Variants in FMN2 observed in about 807,000 individuals in gnomAD.
FMN2 encodes the protein formin 2, also known as formin-2.
Under a neutral mutation model 142.3 loss-of-function variants are expected in FMN2, and 51 were observed. The observed-to-expected ratio is 0.36, with a 90% CI of 0.29 to 0.45. FMN2 has a LOEUF of 0.45. Ranked by LOEUF, FMN2 falls within the 20% of genes least tolerant of loss-of-function variation. FMN2 has a pLI of 1.00. For missense variants in FMN2, 1,936 were observed against 2,122.8 expected (o/e 0.91, Z 1.73); for synonymous variants, 882 against 869.8 (o/e 1.01, Z -0.25).
rs552135436 is a variant in FMN2 at position 240,336,553 on chromosome 1, CAAA to C, written c.4765+2351_4765+2353del. The stretch of plus-strand genomic sequence containing the variant: ...GTTAAAAGGACTTCATGGTATTCTC[CAAA>C]AAAAAAAAAAAAAAAAAAAAAAAAA... On this transcript the variant is annotated intron_variant, in intron 13 of 17. Coordinates refer to ENST00000319653, the MANE Select transcript of FMN2 (RefSeq NM_020066.5). Among the ~76,000 whole-genome samples, 328 of 50,466 alleles carry C rather than the reference CAAA, an allele frequency of 6.5e-3. 6 individuals carry two copies. Among genetic ancestry groups the C allele is most frequent in the African/African-American group, 0.015 (314 of 20,488 alleles). 33.1% of individuals were successfully genotyped at this position (50,466 alleles called of 152,430 possible).
At chr1:240,140,173 C>T (rs1383732535) in intron 2 of FMN2, among the ~76,000 whole-genome samples, 1 of 152,012 alleles carries the variant, frequency 6.6e-6, no homozygotes, top group Non-Finnish European at 1.5e-5. Context: ...CAGTGTGTAA[C>T]CAGTTTGCAG....
intron 16 of FMN2, among the ~76,000 whole-genome samples, chr1:240,460,844 C>A (rs9287242): frequency 0.4 from 61,014 of 151,788 alleles, 13,002 homozygotes; most frequent in African/African-American, 0.54. Flanking sequence ...AGGTTTTCAA[C>A]ATGTTCTCCT....
chr1:240,247,281 T>A (rs2102878671), intron 6 of FMN2, among the ~76,000 whole-genome samples: 1 of 152,244 alleles, frequency 6.6e-6, no homozygotes, highest in South Asian at 2.1e-4. Flanking sequence ...GGCAGGCAGA[T>A]CACCTGAGGT....
intron 2 of FMN2, among the ~76,000 whole-genome samples, chr1:240,128,882 TTTC>T (rs1241165189): frequency 2.0e-5 from 3 of 152,126 alleles, no homozygotes; most frequent in Non-Finnish European, 2.9e-5. Flanking sequence ...TTCATTTTTT[TTTC>T]TTTTTTGAGA....
chr1:240,427,234 T>C (rs957543497), intron 15 of FMN2, among the ~76,000 whole-genome samples: 3 of 151,170 alleles, frequency 2.0e-5, no homozygotes, highest in African/African-American at 4.9e-5. Flanking sequence ...TGAGACAGAG[T>C]CTCGCCTGTC....
rs34050336 is a variant in FMN2, at chr1:240,184,236, C to CTTTTTTTTTTTTT, written c.1931-3959_1931-3947dup. 1.3e-3 allele frequency among the ~76,000 whole-genome samples: 103 copies of CTTTTTTTTTTTTT among 79,446 alleles called. 10 individuals are homozygous for CTTTTTTTTTTTTT. The highest frequency in any genetic ancestry group is 4.1e-3 in the African/African-American group (82 of 20,008). The allele number at this position is 79,446 out of a possible 152,430, so 52.1% of individuals were successfully genotyped here. ...AACTTTTTAAAATGGAATATTTAAC[C>CTTTTTTTTTTTTT]TTTTTTTTTTTTTTTTTTTTTTTTG... On this transcript the variant is annotated intron_variant, in intron 3 of 17. Transcript: ENST00000319653.
chr1:240,430,401 A>C (rs1247473004), intron 15 of FMN2, among the ~76,000 whole-genome samples: 1 of 152,110 alleles, frequency 6.6e-6, no homozygotes, highest in East Asian at 1.9e-4. Flanking sequence ...ATTCTCCCCA[A>C]CATGTGAGAC....
At chr1:240,137,611 A>T (rs1204171496) in intron 2 of FMN2, among the ~76,000 whole-genome samples, 1 of 152,192 alleles carries the variant, frequency 6.6e-6, no homozygotes, top group Non-Finnish European at 1.5e-5. Context: ...GAATTTTTCT[A>T]TGAAAAATAT....
At chr1:240,242,819 T>G (rs185433809) in intron 6 of FMN2, among the ~76,000 whole-genome samples, 1 of 152,220 alleles carries the variant, frequency 6.6e-6, no homozygotes, top group African/African-American at 2.4e-5. Context: ...AGAAGCAGGC[T>G]TCTAGATTCT....
intron 2 of FMN2, among the ~76,000 whole-genome samples, chr1:240,130,941 G>C (rs944469796): frequency 6.6e-6 from 1 of 151,996 alleles, no homozygotes; most frequent in African/African-American, 2.4e-5. Flanking sequence ...CCCCTGCCCT[G>C]TTATTAGGAA....
intron 8 of FMN2, among the ~76,000 whole-genome samples, chr1:240,318,865 AG>A (rs1225263832): frequency 6.6e-6 from 1 of 152,042 alleles, no homozygotes; most frequent in East Asian, 1.9e-4. Context: ...GTGAAATATG[AG>A]TAGATGTTTA....
intron 1 of FMN2, among the ~76,000 whole-genome samples, chr1:240,109,537 T>C (rs533992852): frequency 7.6e-4 from 116 of 152,248 alleles, no homozygotes; most frequent in African/African-American, 2.3e-3. Flanking sequence ...ACTGAACCTA[T>C]GTACACCCTT....
At chr1:240,381,823 T>G (rs144799540) in intron 14 of FMN2, among the ~76,000 whole-genome samples, 1 of 152,130 alleles carries the variant, frequency 6.6e-6, no homozygotes, top group Admixed American at 6.5e-5. Context: ...AAGGAACATA[T>G]CTCAAAATAG....
chr1:240,116,248 C>A (rs768049877), intron 1 of FMN2, among the ~76,000 whole-genome samples: 2 of 152,108 alleles, frequency 1.3e-5, no homozygotes, highest in Non-Finnish European at 2.9e-5. Flanking sequence ...ACGTAGCTGC[C>A]CCAACTGCCC....
chr1:240,403,719 T>C (rs996356686), intron 15 of FMN2, among the ~76,000 whole-genome samples: 2 of 152,180 alleles, frequency 1.3e-5, no homozygotes, highest in Non-Finnish European at 2.9e-5. Context: ...AGGAAGCAAA[T>C]AGCACAATTA....
intron 1 of FMN2, among the ~76,000 whole-genome samples, chr1:240,117,431 AAG>A (rs1273168981): frequency 6.6e-5 from 10 of 152,222 alleles, no homozygotes; most frequent in African/African-American, 2.4e-4. Context: ...GGTGCAGGCA[AAG>A]AGAAAGTGGA....
At chr1:240,402,249 A>G (rs187739014) in intron 15 of FMN2, among the ~76,000 whole-genome samples, 8 of 152,334 alleles carry the variant, frequency 5.3e-5, no homozygotes, top group Admixed American at 1.3e-4. Context: ...AATGGTGAGT[A>G]TATTTTTTAA....
intron 6 of FMN2, among the ~76,000 whole-genome samples, chr1:240,239,322 TAAAG>T (rs919747519): frequency 1.1e-4 from 16 of 152,262 alleles, no homozygotes; most frequent in African/African-American, 2.6e-4. Context: ...ATGGATTTGT[TAAAG>T]AAAGGAAAAA....
chr1:240,166,001 G>A (rs568127681), intron 2 of FMN2, among the ~76,000 whole-genome samples: 60 of 152,062 alleles, frequency 3.9e-4, no homozygotes, highest in African/African-American at 1.4e-3. Context: ...GATCCCCCAT[G>A]AGCCAACCTC....
Sources: gnomAD v4.1 joint callset for allele counts (sites outside exome capture counted in the v4.1 genomes callset) on GRCh38, gnomAD v4.1.1 for gene constraint, MANE v1.5 for transcripts, NCBI Gene and HGNC (gene_info 2026-07-23, HGNC 2026-07-21) for gene names.